GPM6A: variants seen among roughly 807,000 people sequenced by gnomAD.
GPM6A encodes the protein glycoprotein M6A, also known as neuronal membrane glycoprotein M6-a.
In GPM6A, 7 loss-of-function variants were observed where a neutral mutation model predicts 32.1. The ratio of observed to expected loss-of-function variants is 0.22; its 90% CI spans 0.12 to 0.41. The LOEUF (loss-of-function observed/expected upper bound fraction) is 0.41, where lower values mean the gene tolerates loss of function less well. Ranked by LOEUF, GPM6A falls within the 10% of genes least tolerant of loss-of-function variation. The probability of loss-of-function intolerance (pLI) is 1.00; values close to 1 mark genes in which losing one functional copy is unlikely to be tolerated. For missense variants in GPM6A, 235 were observed against 347.2 expected, an observed-to-expected ratio of 0.68 and a Z score of 2.57; for synonymous variants, 130 against 123.4, an observed-to-expected ratio of 1.05 and a Z score of -0.35.
chr4:175,948,409 G>A (rs1265409542), intron 1 of GPM6A, among the ~76,000 whole-genome samples: 5 of 152,082 alleles, frequency 3.3e-5, no homozygotes, highest in South Asian at 2.1e-4. Context: ...GAGGGCCCTC[G>A]CTGAGAACCT....
intron 2 of GPM6A, among the ~76,000 whole-genome samples, chr4:175,689,058 C>T (rs1201784979): frequency 6.6e-6 from 1 of 152,178 alleles, no homozygotes; most frequent in Middle Eastern, 3.4e-3. Context: ...ATTACGAACG[C>T]ACTGGGATTA....
At chr4:175,962,509 C>T (rs747359384) in intron 1 of GPM6A, 87 of 544,490 alleles carry the variant, frequency 1.6e-4, no homozygotes, top group South Asian at 1.4e-3. Context: ...TATCACTTCC[C>T]AGCAGTGACT....
At chr4:175,768,130 A>T (rs1023123347) in intron 1 of GPM6A, among the ~76,000 whole-genome samples, 1 of 152,218 alleles carries the variant, frequency 6.6e-6, no homozygotes, top group African/African-American at 2.4e-5. Context: ...ATTTGTTTTA[A>T]TTACCTCTGA....
At chr4:176,002,316 C>T (rs901478290) in exon 1 of GPM6A, 28 of 1,595,728 alleles carry the variant, frequency 1.8e-5, no homozygotes, top group Non-Finnish European at 2.3e-5. Context: ...CACCCATGGC[C>T]CGAGGTCCTG....
intron 1 of GPM6A, among the ~76,000 whole-genome samples, chr4:175,836,524 G>T (rs112962406): frequency 4.6e-5 from 7 of 152,282 alleles, no homozygotes; most frequent in African/African-American, 1.7e-4. Flanking sequence ...TAGAGGAAAA[G>T]TATAAAATTT....
At chr4:175,761,218 G>C (rs113992275) in intron 1 of GPM6A, among the ~76,000 whole-genome samples, 50 of 152,160 alleles carry the variant, frequency 3.3e-4, no homozygotes, top group Admixed American at 9.8e-4. Flanking sequence ...TCTGCCTCCT[G>C]GGTTCAAGTG....
At chr4:175,873,680 T>C (rs1736990936) in intron 1 of GPM6A, among the ~76,000 whole-genome samples, 1 of 152,182 alleles carries the variant, frequency 6.6e-6, no homozygotes, top group Non-Finnish European at 1.5e-5. Flanking sequence ...CCCATTATTT[T>C]CAGGATGCGT....
chr4:175,955,126 T>C (rs1358253192), intron 1 of GPM6A, among the ~76,000 whole-genome samples: 1 of 152,200 alleles, frequency 6.6e-6, no homozygotes, highest in African/African-American at 2.4e-5. Flanking sequence ...ACATAGATAA[T>C]CCATGGCTGG....
intron 1 of GPM6A, among the ~76,000 whole-genome samples, chr4:175,877,940 A>G (rs1039540879): frequency 1.3e-5 from 2 of 152,216 alleles, no homozygotes; most frequent in Non-Finnish European, 2.9e-5. Context: ...GGGTAAAGGC[A>G]CTGGTAAAAA....
chr4:175,772,363 G>A (rs1005442041), intron 1 of GPM6A, among the ~76,000 whole-genome samples: 1 of 152,186 alleles, frequency 6.6e-6, no homozygotes, highest in Non-Finnish European at 1.5e-5. Flanking sequence ...GTCCTAGGGG[G>A]TTAGGAGGAT....
At chr4:175,721,628 A>G (rs1746139928) in intron 1 of GPM6A, among the ~76,000 whole-genome samples, 1 of 152,214 alleles carries the variant, frequency 6.6e-6, no homozygotes, top group South Asian at 2.1e-4. Context: ...GCTAATTCTT[A>G]AAGACACTTC....
At chr4:175,940,769 C>T (rs1443870964) in intron 1 of GPM6A, among the ~76,000 whole-genome samples, 1 of 152,082 alleles carries the variant, frequency 6.6e-6, no homozygotes, top group Non-Finnish European at 1.5e-5. Flanking sequence ...CCACCACACC[C>T]AGCTAATTTT....
At chr4:175,999,381 T>C (rs994685765) in intron 1 of GPM6A, among the ~76,000 whole-genome samples, 2 of 152,214 alleles carry the variant, frequency 1.3e-5, no homozygotes, top group African/African-American at 4.8e-5. Context: ...ATCAACTATT[T>C]TGTTGCATCC....
intron 1 of GPM6A, among the ~76,000 whole-genome samples, chr4:175,766,795 C>T (rs745349700): frequency 6.6e-6 from 1 of 151,838 alleles, no homozygotes; most frequent in Non-Finnish European, 1.5e-5. Context: ...GCTGGAATTA[C>T]AGGTGACTGC....
Position 175,796,494 on chromosome 4 carries a change from C to A in GPM6A, c.37+15697G>T, listed in dbSNP as rs559865770. On this transcript the variant is annotated intron_variant, in intron 1 of 6. Coordinates refer to ENST00000393658, the MANE Select transcript of GPM6A (RefSeq NM_201591.3). The stretch of plus-strand genomic sequence containing the variant: ...AGTCTCTTGATCAGAAGTTAAGTCA[C>A]CTGCCTAAAAACACAACCAGTATAT... Among the ~76,000 whole-genome samples the A allele has an allele frequency of 7.2e-5, 11 of 152,238 alleles. No homozygotes were observed. The South Asian group carries it at 2.3e-3, about 32-fold the overall frequency.
intron 3 of GPM6A, among the ~76,000 whole-genome samples, chr4:175,660,192 G>C (rs1395737871): frequency 6.6e-6 from 1 of 152,042 alleles, no homozygotes; most frequent in Non-Finnish European, 1.5e-5. Flanking sequence ...GAGGTCAGGA[G>C]TTCAAGACCA....
chr4:175,726,187 G>C (rs1258891851), intron 1 of GPM6A, among the ~76,000 whole-genome samples: 3 of 150,890 alleles, frequency 2.0e-5, no homozygotes, highest in African/African-American at 7.3e-5. Context: ...TTTTAGTAGA[G>C]ACGGGGTTTC....
At chr4:175,872,288 T>A (rs1384367670) in intron 1 of GPM6A, among the ~76,000 whole-genome samples, 5 of 152,188 alleles carry the variant, frequency 3.3e-5, no homozygotes, top group Admixed American at 3.3e-4. Context: ...TGAACACTTG[T>A]CTCCACCTCC....
At chr4:175,680,962 T>C (rs752633540) in intron 2 of GPM6A, among the ~76,000 whole-genome samples, 1 of 152,228 alleles carries the variant, frequency 6.6e-6, no homozygotes, top group Non-Finnish European at 1.5e-5. Flanking sequence ...ACTTGCATAC[T>C]ACTCCATGTG....
Sources: allele counts gnomAD v4.1 joint callset (sites outside exome capture counted in the v4.1 genomes callset), GRCh38; gene constraint gnomAD v4.1.1; transcripts MANE v1.5; gene names NCBI Gene and HGNC (gene_info 2026-07-23, HGNC 2026-07-21).